Variants in MACC1 observed in about 807,000 individuals in gnomAD.
MACC1 encodes the protein metastasis-associated in colon cancer protein 1.
Under a neutral mutation model 70.7 loss-of-function variants are expected in MACC1, and 79 were observed. That is an observed-to-expected ratio of 1.12 (90% CI 0.93 to 1.35). The LOEUF (loss-of-function observed/expected upper bound fraction) is 1.35, where lower values mean the gene tolerates loss of function less well. MACC1 is among the 40% of genes most tolerant of loss of function. The pLI is 0.00. For missense variants in MACC1, 1,106 were observed against 978.1 expected (o/e 1.13, Z -1.74); for synonymous variants, 361 against 347.2 (o/e 1.04, Z -0.44).
intron 1 of MACC1, among the ~76,000 whole-genome samples, chr7:20,173,774 A>T (rs1439393618): frequency 6.6e-6 from 1 of 152,166 alleles, no homozygotes; most frequent in Non-Finnish European, 1.5e-5. Context: ...CATTTAAATG[A>T]TGGTGCCATG....
At position 20,164,415 on chromosome 7, in the gene MACC1, A is replaced by T. The variant is rs1394497975; in HGVS notation, c.-152-16T>A. 1.3e-5 allele frequency: 2 copies of T among 152,196 alleles called. No individual in the cohort carries two copies. Among genetic ancestry groups the T allele is most frequent in the Admixed American group, 1.3e-4 (2 of 15,280 alleles). 9.4% of individuals were successfully genotyped at this position (152,196 alleles called of 1,614,324 possible). On this transcript the variant is annotated splice_polypyrimidine_tract_variant and intron_variant, in intron 2 of 6. Coordinates refer to ENST00000400331, the MANE Select transcript of MACC1 (RefSeq NM_182762.4). ...CTTTTCTGATCTATAAAAATGAAAG[A>T]AAAAATTAAAACAAGATGGAAAACA...
At chr7:20,183,710 C>CTTT (rs59702885) in intron 1 of MACC1, among the ~76,000 whole-genome samples, 19,479 of 140,342 alleles carry the variant, frequency 0.14, 1,603 homozygotes, top group African/African-American at 0.19. Flanking sequence ...CTGATTCTAA[C>CTTT]TTTTTTTTTT....
At chr7:20,152,712 G>T (rs1781998797) in intron 6 of MACC1, among the ~76,000 whole-genome samples, 1 of 152,100 alleles carries the variant, frequency 6.6e-6, no homozygotes, top group Non-Finnish European at 1.5e-5. Flanking sequence ...TGGAAAAGTG[G>T]GTGGTTTGCT....
chr7:20,183,256 G>A (rs10278175), intron 1 of MACC1, among the ~76,000 whole-genome samples: 17,290 of 152,278 alleles, frequency 0.11, 1,175 homozygotes, highest in Non-Finnish European at 0.15. Flanking sequence ...ACTGAAGACT[G>A]AGGGATATGA....
At chr7:20,164,982 T>C (rs1283590998) in intron 2 of MACC1, among the ~76,000 whole-genome samples, 1 of 152,038 alleles carries the variant, frequency 6.6e-6, no homozygotes, top group East Asian at 1.9e-4. Flanking sequence ...AAAATAGTTA[T>C]AACCAAATGG....
At chr7:20,216,223 T>A (rs762516155) in intron 1 of MACC1, among the ~76,000 whole-genome samples, 4 of 152,124 alleles carry the variant, frequency 2.6e-5, no homozygotes, top group Non-Finnish European at 5.9e-5. Context: ...CCACTGAATA[T>A]AGACTTAAGA....
At chr7:20,211,915 G>C (rs1783002415) in intron 1 of MACC1, among the ~76,000 whole-genome samples, 1 of 152,172 alleles carries the variant, frequency 6.6e-6, no homozygotes, top group Non-Finnish European at 1.5e-5. Flanking sequence ...GTATAATGTA[G>C]AGAGAAAAGA....
chr7:20,146,097 G>A (rs1289832201), intron 6 of MACC1, among the ~76,000 whole-genome samples: 1 of 150,494 alleles, frequency 6.6e-6, no homozygotes, highest in Non-Finnish European at 1.5e-5. Context: ...GGTGGCAGAG[G>A]TTGCAGTGAG....
rs913699014 is a variant in MACC1, at chr7:20,138,874, G to T, written c.*2072C>A. 2.6e-5 allele frequency: 4 copies of T among 152,204 alleles called. No individual in the cohort carries two copies. Among genetic ancestry groups the T allele is most frequent in the East Asian group, 3.9e-4 (2 of 5,164 alleles). The allele number at this position is 152,204 out of a possible 1,614,324, so 9.4% of individuals were successfully genotyped here. The stretch of plus-strand genomic sequence containing the variant: ...TTTTTAGTAGAGACGGGGTTTCACC[G>T]CGTTAGCCAGGATGGTCTCGATCTC... On this transcript the variant is annotated 3_prime_UTR_variant, in exon 7 of 7. Coordinates refer to ENST00000400331, the MANE Select transcript of MACC1 (RefSeq NM_182762.4).
chr7:20,161,476 C>A (rs1335115506), intron 4 of MACC1, among the ~76,000 whole-genome samples: 1 of 151,978 alleles, frequency 6.6e-6, no homozygotes, highest in African/African-American at 2.4e-5. Flanking sequence ...GGTCAATCAA[C>A]CTTCAGAGAG....
intron 1 of MACC1, among the ~76,000 whole-genome samples, chr7:20,213,715 T>G (rs182091637): frequency 1.3e-5 from 2 of 152,148 alleles, no homozygotes; most frequent in East Asian, 3.9e-4. Flanking sequence ...TGAGAACACA[T>G]GGACACATAA....
chr7:20,159,720 AT>A lies in MACC1; in HGVS notation c.640del (p.Ile214Ter). On this transcript the variant is annotated frameshift_variant, in exon 5 of 7. Coordinates refer to ENST00000400331, the MANE Select transcript of MACC1 (RefSeq NM_182762.4). LOFTEE classifies it high-confidence loss of function. Reference sequence around the variant, plus strand: ...TCCTTGATGGTTTACTTTGCAAGCTATGGTGACCTCCGCAAGTTGTGTCTGG... The same window carrying A: ...TCCTTGATGGTTTACTTTGCAAGCTAGGTGACCTCCGCAAGTTGTGTCTGG... ...WAQTQLAEVT[I>X]ACKVNHQGGS... 6.2e-7 allele frequency: 1 copy of A among 1,614,148 alleles called. No homozygotes were observed. The highest frequency in any genetic ancestry group is 8.5e-7 in the Non-Finnish European group (1 of 1,180,020).
intron 6 of MACC1, among the ~76,000 whole-genome samples, chr7:20,151,693 A>G (rs940814439): frequency 8.5e-5 from 13 of 152,220 alleles, no homozygotes; most frequent in Non-Finnish European, 1.8e-4. Context: ...TGACAAATTT[A>G]TTATTAATAT....
intron 3 of MACC1, among the ~76,000 whole-genome samples, chr7:20,162,714 C>G (rs914611713): frequency 6.6e-6 from 1 of 152,066 alleles, no homozygotes; most frequent in African/African-American, 2.4e-5. Flanking sequence ...GTGATGTTGC[C>G]ATTTGTTGTG....
Position 20,156,030 on chromosome 7 carries a change from T to C in MACC1, c.2158-1649A>G, listed in dbSNP as rs1023244338. Among the ~76,000 whole-genome samples the C allele has an allele frequency of 1.6e-4, 25 of 152,154 alleles. 1 individual carries two copies. The highest frequency in any genetic ancestry group is 4.4e-5 in the Non-Finnish European group (3 of 68,012). On this transcript the variant is annotated intron_variant, in intron 5 of 6. Transcript: ENST00000400331. ...CACTTTGTCTAAACTTCCATAATCA[T>C]TGTGAAAATCAAATTGGATGCTGAA...
Position 20,158,841 on chromosome 7 carries a change from G to A in MACC1, c.1520C>T (p.Pro507Leu). The change falls in exon 5 of 7, where the codon CCA (proline) becomes CTA (leucine). Residue 507 changes from proline to leucine, a missense_variant. Transcript: ENST00000400331. ...VAQFSITTPD[P>L]TPNLKRLSNL... ...CGAGAGTCTTTTTAGGTTTGGGGTT[G>A]GATCAGGAGTAGTGATAGAGAACTG... The A allele has an allele frequency of 6.2e-7, 1 of 1,614,110 alleles. No homozygotes were observed. The highest frequency in any genetic ancestry group is 8.5e-7 in the Non-Finnish European group (1 of 1,180,020).
chr7:20,159,950 A>G lies in MACC1; in HGVS notation c.411T>C (p.Ser137=). ...RQTSSRNSGR[S]KSVSELLDIL... is the part of the protein sequence containing the mutation. ...TGTCCAGAAGTTCTGAAACACTTTT[A>G]GATCTTCCAGAATTTCTTGAGGAAG... is the stretch of plus-strand genomic sequence containing the variant. Residue 137 remains serine, a synonymous_variant, in exon 5 of 7, where the codon TCT becomes TCC. Transcript: ENST00000400331. 6.2e-7 allele frequency: 1 copy of G among 1,614,182 alleles called. No individual in the cohort carries two copies. Among genetic ancestry groups the G allele is most frequent in the Non-Finnish European group, 8.5e-7 (1 of 1,180,018 alleles).
chr7:20,208,890 G>C (rs917817604), intron 1 of MACC1, among the ~76,000 whole-genome samples: 1 of 152,198 alleles, frequency 6.6e-6, no homozygotes, highest in Non-Finnish European at 1.5e-5. Context: ...GGTTCCCTGT[G>C]TCCCAGCTGC....
chr7:20,178,365 T>A (rs1468787812), intron 1 of MACC1, among the ~76,000 whole-genome samples: 2 of 152,170 alleles, frequency 1.3e-5, no homozygotes, highest in Non-Finnish European at 2.9e-5. Flanking sequence ...ATTATTCTTA[T>A]GTTCTATGCT....
Sources: gnomAD v4.1 joint callset for allele counts (sites outside exome capture counted in the v4.1 genomes callset) on GRCh38, gnomAD v4.1.1 for gene constraint, MANE v1.5 for transcripts, NCBI Gene and HGNC (gene_info 2026-07-23, HGNC 2026-07-21) for gene names.